The following DENND1A variants were observed in gnomAD, a reference collection of about 807,000 sequenced individuals.
DENND1A encodes DENN domain-containing protein 1A.
Under a neutral mutation model 113.7 loss-of-function variants are expected in DENND1A, and 51 were observed. The observed-to-expected ratio is 0.45, with a 90% CI of 0.36 to 0.57. The LOEUF is 0.57. Among genes scored for constraint, DENND1A ranks in the 20% least tolerant of loss-of-function variants. The pLI, the probability that DENND1A is intolerant of heterozygous loss-of-function variation, is 0.00. For synonymous variants in DENND1A, 565 were observed against 570.8 expected (o/e 0.99, Z 0.14); for missense variants, 1,258 against 1,395.9 (o/e 0.90, Z 1.57).
intron 13 of DENND1A, among the ~76,000 whole-genome samples, chr9:123,510,459 G>A (rs2053364106): frequency 6.6e-6 from 1 of 152,226 alleles, no homozygotes; most frequent in Admixed American, 6.5e-5. Context: ...TCCATTTTAA[G>A]CAGCATGTAT....
intron 2 of DENND1A, among the ~76,000 whole-genome samples, chr9:123,871,574 T>G (rs1326072837): frequency 1.3e-5 from 2 of 152,212 alleles, no homozygotes; most frequent in African/African-American, 4.8e-5. Flanking sequence ...TTCATGATAC[T>G]GCTAATATAG....
In DENND1A at chr9:123,630,401, G is replaced by T; in HGVS notation, c.694C>A (p.Pro232Thr). The part of the protein sequence containing the change: ...YWQHVYIPVL[P>T]PHLLDYCCAP... ...CAGCAGTAGTCCAGCAGATGCGGCG[G>T]CAGCACGGGGATGTACACGTGCTGC... Residue 232 changes from proline to threonine, a missense_variant, in exon 10 of 24, where the codon CCG becomes ACG. Physicochemically the swap from Pro to Thr is conservative, Grantham distance 38. This residue lies in a region of DENND1A where 1,159 missense variants were observed against 1,231.7 expected (regional missense o/e 0.94). Transcript: ENST00000394215. 5 of 1,598,948 alleles carry T rather than the reference G, an allele frequency of 3.1e-6. No homozygotes were observed. The highest frequency in any genetic ancestry group is 4.3e-6 in the Non-Finnish European group (5 of 1,171,320).
At chr9:123,740,185 TA>T (rs551717491) in intron 5 of DENND1A, among the ~76,000 whole-genome samples, 57 of 149,888 alleles carry the variant, frequency 3.8e-4, no homozygotes, top group Admixed American at 8.0e-4. Flanking sequence ...AAGTTGGAAA[TA>T]AAAAAAAAAT....
chr9:123,506,556 TG>T (rs1261724879), intron 13 of DENND1A, among the ~76,000 whole-genome samples: 6 of 110,968 alleles, frequency 5.4e-5, no homozygotes, highest in African/African-American at 1.8e-4. Flanking sequence ...CACTCCAGCC[TG>T]GTGACAGAGT....
At chr9:123,420,450 G>C (rs1005862428) in intron 19 of DENND1A, among the ~76,000 whole-genome samples, 2 of 152,160 alleles carry the variant, frequency 1.3e-5, no homozygotes, top group Non-Finnish European at 2.9e-5. Context: ...AGGATCGAAG[G>C]GGGTCCGGGA....
chr9:123,805,413 C>T (rs957222637), intron 2 of DENND1A, among the ~76,000 whole-genome samples: 62 of 151,256 alleles, frequency 4.1e-4, no homozygotes, highest in African/African-American at 1.5e-3. Context: ...ACCATATACA[C>T]ATAGCCTGAA....
intron 5 of DENND1A, among the ~76,000 whole-genome samples, chr9:123,713,042 A>G (rs2066736576): frequency 6.6e-6 from 1 of 152,230 alleles, no homozygotes; most frequent in African/African-American, 2.4e-5. Flanking sequence ...TAAGGTAGTC[A>G]GGGAAAACTT....
intron 9 of DENND1A, among the ~76,000 whole-genome samples, chr9:123,647,772 T>TACTGTCTGTACTGATA (rs2062417687): frequency 6.6e-6 from 1 of 152,182 alleles, no homozygotes; most frequent in African/African-American, 2.4e-5. Context: ...TTCTACTGTG[T>TACTGTCTGTACTGATA]GACTACACCA....
chr9:123,610,355 C>CA (rs1252423092), intron 10 of DENND1A, among the ~76,000 whole-genome samples: 3 of 152,144 alleles, frequency 2.0e-5, no homozygotes, highest in African/African-American at 7.2e-5. Context: ...CCCATAGATA[C>CA]AATACCCATT....
intron 5 of DENND1A, among the ~76,000 whole-genome samples, chr9:123,726,151 T>A (rs1282229005): frequency 1.3e-5 from 2 of 152,200 alleles, no homozygotes; most frequent in Admixed American, 6.5e-5. Flanking sequence ...GAATAAAATG[T>A]GTTAATTTTT....
intron 4 of DENND1A, among the ~76,000 whole-genome samples, chr9:123,767,001 G>A (rs566432659): frequency 6.6e-6 from 1 of 152,030 alleles, no homozygotes; most frequent in East Asian, 1.9e-4. Flanking sequence ...TTTTTTGAAC[G>A]CAATCACCTG....
At chr9:123,904,308 C>G (rs1348689767) in intron 1 of DENND1A, among the ~76,000 whole-genome samples, 4 of 151,838 alleles carry the variant, frequency 2.6e-5, no homozygotes, top group African/African-American at 7.3e-5. Context: ...AAACGCAGAG[C>G]GTCTCTCCTC....
At chr9:123,607,975 G>A (rs1376647079) in intron 11 of DENND1A, among the ~76,000 whole-genome samples, 2 of 152,076 alleles carry the variant, frequency 1.3e-5, no homozygotes, top group Non-Finnish European at 2.9e-5. Flanking sequence ...ACGGTCCATT[G>A]GTAAGTATTT....
At chr9:123,531,369 T>G (rs138864321) in intron 13 of DENND1A, among the ~76,000 whole-genome samples, 1 of 152,152 alleles carries the variant, frequency 6.6e-6, no homozygotes, top group Non-Finnish European at 1.5e-5. Context: ...ACTTCATTTT[T>G]AAAAAATCTT....
intron 1 of DENND1A, among the ~76,000 whole-genome samples, chr9:123,901,921 G>C (rs1449027934): frequency 1.3e-5 from 2 of 152,104 alleles, no homozygotes; most frequent in African/African-American, 4.8e-5. Flanking sequence ...CAGGAGAATG[G>C]TGTGAACCCG....
intron 11 of DENND1A, among the ~76,000 whole-genome samples, chr9:123,604,340 C>T (rs1168354503): frequency 6.6e-6 from 1 of 152,190 alleles, no homozygotes; most frequent in Non-Finnish European, 1.5e-5. Context: ...AGCATCTCTC[C>T]TCCCAGAGCC....
chr9:123,664,804 A>G (rs1475098328), intron 8 of DENND1A, among the ~76,000 whole-genome samples: 1 of 152,166 alleles, frequency 6.6e-6, no homozygotes, highest in Non-Finnish European at 1.5e-5. Flanking sequence ...AGTATGCTCT[A>G]TTTTGAAATT....
chr9:123,440,339 T>A, intron 19 of DENND1A, 21 bp downstream of exon 19: 1 of 1,572,654 alleles, frequency 6.4e-7, no homozygotes. Flanking sequence ...AACAGACAGG[T>A]AGGAGGGCCA....
intron 9 of DENND1A, among the ~76,000 whole-genome samples, chr9:123,638,553 T>C (rs1247568477): frequency 6.6e-6 from 1 of 152,174 alleles, no homozygotes; most frequent in Non-Finnish European, 1.5e-5. Flanking sequence ...CACTGCAACC[T>C]CTGCCTCCTG....
Sources: gnomAD v4.1 joint callset for allele counts (sites outside exome capture counted in the v4.1 genomes callset) on GRCh38, gnomAD v4.1.1 for gene constraint, gnomAD v4.1.1 regional missense constraint, MANE v1.5 for transcripts, NCBI Gene and HGNC (gene_info 2026-07-23, HGNC 2026-07-21) for gene names.